Variants in PRDM2 observed in about 807,000 individuals in gnomAD.
The protein encoded by PRDM2 is PR domain zinc finger protein 2.
Under a neutral mutation model 130.0 loss-of-function variants are expected in PRDM2, and 30 were observed. The ratio of observed to expected loss-of-function variants is 0.23; its 90% CI spans 0.17 to 0.31. The LOEUF (loss-of-function observed/expected upper bound fraction) is 0.31, where lower values mean the gene tolerates loss of function less well. Ranked by LOEUF, PRDM2 falls within the 10% of genes least tolerant of loss-of-function variation. The probability of loss-of-function intolerance (pLI) is 1.00; values close to 1 mark genes in which losing one functional copy is unlikely to be tolerated. For synonymous variants in PRDM2, 871 were observed against 782.4 expected, an observed-to-expected ratio of 1.11 and a Z score of -1.89; for missense variants, 2,011 against 2,108.4, an observed-to-expected ratio of 0.95 and a Z score of 0.90.
intron 8 of PRDM2, among the ~76,000 whole-genome samples, chr1:13,812,332 CGG>C (rs34646499): frequency 6.6e-6 from 1 of 151,730 alleles, no homozygotes; most frequent in Non-Finnish European, 1.5e-5. Flanking sequence ...GTAAGCACAG[CGG>C]GGGGTCTCAC....
At chr1:13,753,740 A>C (rs932338966) in intron 6 of PRDM2, among the ~76,000 whole-genome samples, 1 of 152,140 alleles carries the variant, frequency 6.6e-6, no homozygotes, top group African/African-American at 2.4e-5. Context: ...GGGAGCCTTT[A>C]TGTAGAAAGA....
At position 13,780,707 on chromosome 1, in the gene PRDM2, C is replaced by G. The variant is rs751100297; in HGVS notation, c.2912C>G (p.Ser971Cys). The G allele has an allele frequency of 6.2e-7, 1 of 1,603,974 alleles. No individual in the cohort carries two copies. The highest frequency in any genetic ancestry group is 8.5e-7 in the Non-Finnish European group (1 of 1,173,910). ...LPPLLIPTDP[S>C]SPPPCPPVLT... The stretch of plus-strand genomic sequence containing the variant: ...CCTCTCTTGATCCCCACAGATCCCT[C>G]TTCCCCTCCACCCTGTCCCCCGGTA... The change falls in exon 8 of 10, where the codon TCT becomes TGT. Residue 971 changes from serine to cysteine, a missense_variant. By Grantham distance (112) the Ser-to-Cys change is moderately radical (BLOSUM62 -1). Around this residue, in one of 5 missense-constraint regions of PRDM2, gnomAD observed 1,288 missense variants for 1,237.7 expected, o/e 1.04. Coordinates refer to ENST00000311066, the MANE Select transcript of PRDM2 (RefSeq NM_001393986.1).
chr1:13,735,861 A>T (rs1243312997), intron 4 of PRDM2, among the ~76,000 whole-genome samples: 1 of 152,234 alleles, frequency 6.6e-6, no homozygotes, highest in Non-Finnish European at 1.5e-5. Flanking sequence ...ACAAGAACAT[A>T]AAAATCATTG....
At chr1:13,704,739 A>G (rs1294403912) in intron 1 of PRDM2, 1 of 152,200 alleles carries the variant, frequency 6.6e-6, no homozygotes. Flanking sequence ...CTTTCACATA[A>G]TTTAAATTAT....
chr1:13,800,180 A>G (rs1644985214), intron 8 of PRDM2, among the ~76,000 whole-genome samples: 1 of 152,202 alleles, frequency 6.6e-6, no homozygotes. Context: ...ACAATGTCCT[A>G]CTCCACGGAA....
chr1:13,795,235 C>T (rs1453187208), intron 8 of PRDM2, among the ~76,000 whole-genome samples: 6 of 152,116 alleles, frequency 3.9e-5, no homozygotes, highest in Non-Finnish European at 7.4e-5. Flanking sequence ...GGATGATCAC[C>T]GATAATGCTT....
rs1350658025 is a variant in PRDM2 at position 13,823,293 on chromosome 1, G to A, written c.*158G>A. On this transcript the variant is annotated 3_prime_UTR_variant, in exon 10 of 10. Coordinates refer to ENST00000311066, the MANE Select transcript of PRDM2 (RefSeq NM_001393986.1). ...TGCGCGCGTGCATGTGTGCGTGCGT[G>A]TGTGTTCACGTGTTCTCGTGCGGGC... 1 of 1,268,988 alleles carries A rather than the reference G, an allele frequency of 7.9e-7. No homozygotes were observed. The highest frequency in any genetic ancestry group is 1.1e-6 in the Non-Finnish European group (1 of 885,252). 78.6% of individuals were successfully genotyped at this position (1,268,988 alleles called of 1,614,324 possible).
intron 8 of PRDM2, among the ~76,000 whole-genome samples, chr1:13,797,042 A>G (rs1051378904): frequency 6.6e-6 from 1 of 152,152 alleles, no homozygotes; most frequent in Non-Finnish European, 1.5e-5. Flanking sequence ...TTACCATCCT[A>G]TGTCCTTTAA....
intron 4 of PRDM2, among the ~76,000 whole-genome samples, chr1:13,739,739 G>C (rs905427849): frequency 1.3e-5 from 2 of 152,134 alleles, no homozygotes; most frequent in African/African-American, 4.8e-5. Context: ...AAGTGTATGT[G>C]CTGGTTAGTC....
intron 6 of PRDM2, among the ~76,000 whole-genome samples, chr1:13,760,569 C>G (rs1482920213): frequency 6.6e-6 from 1 of 152,126 alleles, no homozygotes; most frequent in Non-Finnish European, 1.5e-5. Context: ...TGTGATACAC[C>G]AGAACATAGC....
intron 8 of PRDM2, chr1:13,788,152 G>T: frequency 1.1e-6 from 1 of 911,108 alleles, no homozygotes; most frequent in South Asian, 5.1e-5. Context: ...GTGGAGGATT[G>T]TTCAGAGCCC....
chr1:13,710,349 A>T lies in PRDM2; in HGVS notation c.-65-5192A>T, dbSNP rs1450532650. Among the ~76,000 whole-genome samples the T allele has an allele frequency of 2.0e-5, 3 of 152,220 alleles. No individual in the cohort carries two copies. The East Asian group carries it at 5.8e-4, about 29-fold the overall frequency. On this transcript the variant is annotated intron_variant, in intron 1 of 9. Transcript: ENST00000311066. The stretch of plus-strand genomic sequence containing the variant: ...TAACAGTTGTTGAGGTTGTGTTGAC[A>T]CTTTATGGGACTAGTGTCTTAGTAA...
At chr1:13,789,735 G>C (rs1644808198) in intron 8 of PRDM2, among the ~76,000 whole-genome samples, 1 of 152,180 alleles carries the variant, frequency 6.6e-6, no homozygotes, top group Non-Finnish European at 1.5e-5. Flanking sequence ...AATCATAAAG[G>C]GCAATTTACC....
rs1168140983 is a variant in PRDM2 at position 13,806,941 on chromosome 1, T to A, written c.5037-9486T>A. On this transcript the variant is annotated intron_variant, in intron 8 of 9. Coordinates refer to ENST00000311066, the MANE Select transcript of PRDM2 (RefSeq NM_001393986.1). The surrounding 1 kb of genome is among the most constrained non-coding windows in gnomAD (Gnocchi z 4.1). ...CACAAGGCGTAGTATCCGGACCGATTGATCCCCCCACCCCAGGTCGTAGCC... is the reference window on the plus strand; with the variant it reads ...CACAAGGCGTAGTATCCGGACCGATAGATCCCCCCACCCCAGGTCGTAGCC... Among the ~76,000 whole-genome samples, 4 of 152,158 alleles carry A rather than the reference T, an allele frequency of 2.6e-5. No homozygotes were observed. Among genetic ancestry groups the A allele is most frequent in the Admixed American group, 6.5e-5 (1 of 15,272 alleles).
At chr1:13,778,377 C>G (rs1557644657) in intron 7 of PRDM2, 41 bp from the exon 8 acceptor site, 11 of 1,532,550 alleles carry the variant, frequency 7.2e-6, no homozygotes, top group Non-Finnish European at 9.6e-6. Context: ...GCTGGTTTCC[C>G]ATGCTTCACT....
At chr1:13,710,674 C>T (rs1024757044) in intron 1 of PRDM2, among the ~76,000 whole-genome samples, 7 of 151,986 alleles carry the variant, frequency 4.6e-5, no homozygotes, top group African/African-American at 7.3e-5. Context: ...TTTGATTAGG[C>T]GTGGAAATGC....
intron 8 of PRDM2, among the ~76,000 whole-genome samples, chr1:13,792,528 A>G (rs1644856457): frequency 6.6e-6 from 1 of 152,232 alleles, no homozygotes; most frequent in Admixed American, 6.5e-5. Flanking sequence ...AATCCTTGCC[A>G]ACCCAGCTAG....
At chr1:13,709,236 A>G (rs1642297404) in intron 1 of PRDM2, among the ~76,000 whole-genome samples, 1 of 152,018 alleles carries the variant, frequency 6.6e-6, no homozygotes, top group South Asian at 2.1e-4. Context: ...ATAAAAATAG[A>G]TTCAAGGAAC....
intron 1 of PRDM2, among the ~76,000 whole-genome samples, chr1:13,711,389 T>TCTC (rs1642366836): frequency 6.6e-6 from 1 of 151,980 alleles, no homozygotes; most frequent in Non-Finnish European, 1.5e-5. Flanking sequence ...GCTTTAGTAT[T>TCTC]CTATTGCAGC....
Sources: gnomAD v4.1 joint callset for allele counts (sites outside exome capture counted in the v4.1 genomes callset) on GRCh38, gnomAD v4.1.1 for gene constraint, gnomAD v4.1.1 regional missense constraint, Gnocchi (gnomAD v3.1) non-coding constraint, MANE v1.5 for transcripts, NCBI Gene and HGNC (gene_info 2026-07-23, HGNC 2026-07-21) for gene names.